Variants in EXOC6 observed in about 807,000 individuals in gnomAD.
EXOC6 encodes exocyst complex component 6, also known as SEC15-like 1.
A neutral mutation model predicts 112.5 loss-of-function variants in EXOC6; 60 were observed. The observed-to-expected ratio is 0.53, with a 90% CI of 0.43 to 0.66. The LOEUF (loss-of-function observed/expected upper bound fraction) is 0.66, where lower values mean the gene tolerates loss of function less well. EXOC6 is among the 30% of genes least tolerant of loss of function. The probability of loss-of-function intolerance (pLI) is 0.00; values close to 1 mark genes in which losing one functional copy is unlikely to be tolerated. For missense variants in EXOC6, 855 were observed against 957.1 expected (o/e 0.89, Z 1.41); for synonymous variants, 295 against 308.0 (o/e 0.96, Z 0.44).
At chr10:92,964,567 T>G (rs2134052461) in intron 17 of EXOC6, among the ~76,000 whole-genome samples, 1 of 152,340 alleles carries the variant, frequency 6.6e-6, no homozygotes, top group Non-Finnish European at 1.5e-5. Context: ...TGTATTTCCC[T>G]TGCTTTAAAT....
At chr10:92,848,698 G>A in intron 1 of EXOC6, 64 bp downstream of exon 1, 11 of 1,196,708 alleles carry the variant, frequency 9.2e-6, no homozygotes, top group Non-Finnish European at 1.2e-5. Flanking sequence ...CTCACGAGCC[G>A]GGCGGGGCGT....
intron 17 of EXOC6, among the ~76,000 whole-genome samples, chr10:92,956,110 AAAAT>A (rs1564860856): frequency 1.3e-5 from 2 of 152,136 alleles, no homozygotes; most frequent in African/African-American, 2.4e-5. Context: ...GATCTGAAGA[AAAAT>A]AAATATTATT....
chr10:92,854,480 T>C (rs1217915937), intron 1 of EXOC6, among the ~76,000 whole-genome samples: 1 of 152,106 alleles, frequency 6.6e-6, no homozygotes, highest in Non-Finnish European at 1.5e-5. Flanking sequence ...GGTAAGGATG[T>C]AGAAGAACTG....
At chr10:92,875,498 A>G (rs183171881) in intron 1 of EXOC6, among the ~76,000 whole-genome samples, 10 of 152,280 alleles carry the variant, frequency 6.6e-5, no homozygotes, top group Admixed American at 1.3e-4. Flanking sequence ...AGCCCTAATT[A>G]GATTGCCCCT....
At chr10:92,860,423 C>T (rs1847855506) in intron 1 of EXOC6, among the ~76,000 whole-genome samples, 1 of 151,844 alleles carries the variant, frequency 6.6e-6, no homozygotes, top group Non-Finnish European at 1.5e-5. Flanking sequence ...ACCACCATGC[C>T]CACCTAATTT....
intron 20 of EXOC6, among the ~76,000 whole-genome samples, chr10:93,040,394 G>C (rs1007511561): frequency 1.3e-5 from 2 of 152,072 alleles, no homozygotes; most frequent in Non-Finnish European, 2.9e-5. Flanking sequence ...GACTACAGGT[G>C]CCTGCCACCA....
chr10:92,980,533 C>T (rs978514245), intron 18 of EXOC6, among the ~76,000 whole-genome samples: 2 of 151,780 alleles, frequency 1.3e-5, no homozygotes, highest in African/African-American at 4.8e-5. Context: ...GTGTTTTAAA[C>T]TTGATATTAG....
intron 20 of EXOC6, among the ~76,000 whole-genome samples, chr10:93,014,691 T>C (rs991779866): frequency 1.3e-5 from 2 of 152,134 alleles, no homozygotes; most frequent in Admixed American, 6.5e-5. Flanking sequence ...ATTTTTTCAA[T>C]GGTAAAGAAT....
chr10:92,920,223 C>G (rs1249993921), intron 8 of EXOC6, among the ~76,000 whole-genome samples, 173 bp downstream of exon 8: 1 of 152,088 alleles, frequency 6.6e-6, no homozygotes, highest in African/African-American at 2.4e-5. Flanking sequence ...AGTGTAATTT[C>G]AAGTGATATA....
intron 15 of EXOC6, among the ~76,000 whole-genome samples, chr10:92,953,740 G>A (rs983780836): frequency 2.6e-5 from 4 of 152,176 alleles, no homozygotes; most frequent in African/African-American, 7.2e-5. Context: ...ATTGAAGACC[G>A]AATGGTTAGG....
intron 9 of EXOC6, 33 bp downstream of exon 9, chr10:92,928,455 G>A (rs1240866683): frequency 1.5e-6 from 2 of 1,352,520 alleles, no homozygotes; most frequent in Non-Finnish European, 2.1e-6. Flanking sequence ...TGGTTATGTT[G>A]TCACTTTTTA....
At chr10:92,994,901 A>G (rs1008178330) in intron 18 of EXOC6, among the ~76,000 whole-genome samples, 1 of 151,968 alleles carries the variant, frequency 6.6e-6, no homozygotes, top group Non-Finnish European at 1.5e-5. Flanking sequence ...ATCTAAAAAT[A>G]TGTAGTACAT....
chr10:92,973,816 A>G (rs971077159), intron 17 of EXOC6, among the ~76,000 whole-genome samples: 1 of 152,240 alleles, frequency 6.6e-6, no homozygotes, highest in Non-Finnish European at 1.5e-5. Flanking sequence ...AAAGTATTCT[A>G]TCACATAAAG....
chr10:93,017,049 C>T (rs1285603728), intron 20 of EXOC6, among the ~76,000 whole-genome samples: 1 of 152,026 alleles, frequency 6.6e-6, no homozygotes, highest in Non-Finnish European at 1.5e-5. Flanking sequence ...CTCCTGACCT[C>T]AGGTGATTCA....
chr10:92,947,631 T>C (rs373980660), intron 13 of EXOC6, among the ~76,000 whole-genome samples: 6 of 152,254 alleles, frequency 3.9e-5, no homozygotes, highest in African/African-American at 1.2e-4. Flanking sequence ...GACAGGAGGC[T>C]GGGCACAGTG....
intron 19 of EXOC6, among the ~76,000 whole-genome samples, chr10:93,002,445 G>A (rs1345076162): frequency 6.6e-6 from 1 of 152,146 alleles, no homozygotes; most frequent in Non-Finnish European, 1.5e-5. Flanking sequence ...AGCAGCAATA[G>A]CATCATGTGG....
rs544754607 is a variant in EXOC6, at chr10:92,885,273, A to G, written c.102-8076A>G. On this transcript the variant is annotated intron_variant, in intron 1 of 21. Transcript: ENST00000260762. ...TTTTTTAGCTATATTTTTGAGACACAAAGTATTTTTATACATTCCGAGTTG... is the reference window on the plus strand; with the variant it reads ...TTTTTTAGCTATATTTTTGAGACACGAAGTATTTTTATACATTCCGAGTTG... 6.6e-5 allele frequency among the ~76,000 whole-genome samples: 10 copies of G among 152,318 alleles called. No homozygotes were observed. In the South Asian group the frequency reaches 2.1e-3, roughly 32 times the overall value.
At chr10:92,922,797 C>A (rs1851518139) in intron 8 of EXOC6, among the ~76,000 whole-genome samples, 1 of 152,058 alleles carries the variant, frequency 6.6e-6, no homozygotes, top group South Asian at 2.1e-4. Context: ...TCTTAGAATA[C>A]TGAATATTGA....
intron 18 of EXOC6, among the ~76,000 whole-genome samples, chr10:92,991,140 T>TC (rs1189506971): frequency 2.8e-5 from 4 of 141,268 alleles, no homozygotes; most frequent in Non-Finnish European, 4.6e-5. Context: ...TTTTTTTTTT[T>TC]CCCAAGACAG....
Sources: gnomAD v4.1 joint callset for allele counts (sites outside exome capture counted in the v4.1 genomes callset) on GRCh38, gnomAD v4.1.1 for gene constraint, MANE v1.5 for transcripts, NCBI Gene and HGNC (gene_info 2026-07-23, HGNC 2026-07-21) for gene names.